Variants in CPED1 observed in about 807,000 individuals in gnomAD.
The protein encoded by CPED1 is cadherin-like and PC-esterase domain-containing protein 1.
Under a neutral mutation model 128.2 loss-of-function variants are expected in CPED1, and 114 were observed. The observed-to-expected ratio is 0.89, with a 90% CI of 0.76 to 1.04. CPED1 has a LOEUF of 1.04. Among genes scored for constraint, CPED1 ranks in the 50% least tolerant of loss-of-function variants. The pLI, the probability that CPED1 is intolerant of heterozygous loss-of-function variation, is 0.00. For synonymous variants in CPED1, 462 were observed against 426.7 expected, an observed-to-expected ratio of 1.08 and a Z score of -1.02; for missense variants, 1,211 against 1,207.1, an observed-to-expected ratio of 1.00 and a Z score of -0.05.
At chr7:121,201,536 GAAGA>G (rs1797399201) in intron 16 of CPED1, among the ~76,000 whole-genome samples, 1 of 150,348 alleles carries the variant, frequency 6.7e-6, no homozygotes, top group South Asian at 2.1e-4. Context: ...AGGAAGGAAG[GAAGA>G]AAGGAAGGAA....
At chr7:121,035,719 GC>G in intron 3 of CPED1, among the ~76,000 whole-genome samples, 1 of 152,014 alleles carries the variant, frequency 6.6e-6, no homozygotes, top group African/African-American at 2.4e-5. Context: ...ATGAGTCCAA[GC>G]TACTCAGGAG....
intron 12 of CPED1, among the ~76,000 whole-genome samples, chr7:121,132,633 T>G (rs543861618): frequency 1.3e-5 from 2 of 152,158 alleles, no homozygotes; most frequent in African/African-American, 4.8e-5. Flanking sequence ...ATGTGCTAAT[T>G]TTACCTTCCT....
At chr7:121,092,561 C>A (rs1480588074) in intron 5 of CPED1, among the ~76,000 whole-genome samples, 3 of 152,126 alleles carry the variant, frequency 2.0e-5, no homozygotes, top group African/African-American at 7.2e-5. Flanking sequence ...TTCAAAATAA[C>A]CCTTCTCTTC....
chr7:121,183,919 T>A (rs1796948840), intron 16 of CPED1, among the ~76,000 whole-genome samples: 1 of 152,024 alleles, frequency 6.6e-6, no homozygotes, highest in South Asian at 2.1e-4. Flanking sequence ...GTGGGCAGAT[T>A]ACTTCAGGCC....
intron 16 of CPED1, among the ~76,000 whole-genome samples, chr7:121,222,425 T>C (rs541454946): frequency 1.8e-4 from 28 of 152,230 alleles, no homozygotes; most frequent in African/African-American, 6.7e-4. Context: ...CTTAGGATTG[T>C]CATGGCATTG....
At chr7:121,112,539 C>T (rs754688352) in intron 7 of CPED1, among the ~76,000 whole-genome samples, 10 of 152,256 alleles carry the variant, frequency 6.6e-5, no homozygotes, top group East Asian at 5.8e-4. Flanking sequence ...TAAGAGGGAA[C>T]GTGGCCATGT....
At chr7:121,254,206 C>A (rs1798752848) in intron 18 of CPED1, among the ~76,000 whole-genome samples, 1 of 151,944 alleles carries the variant, frequency 6.6e-6, no homozygotes, top group Non-Finnish European at 1.5e-5. Flanking sequence ...TCATACAAAG[C>A]ACATTCTCAC....
chr7:121,285,721 G>A (rs1792554738), intron 22 of CPED1, among the ~76,000 whole-genome samples: 1 of 152,148 alleles, frequency 6.6e-6, no homozygotes. Context: ...GTCACTGTCA[G>A]CATTTTGGTC....
intron 16 of CPED1, among the ~76,000 whole-genome samples, chr7:121,233,379 C>T (rs1218639727): frequency 6.6e-6 from 1 of 151,946 alleles, no homozygotes; most frequent in Admixed American, 6.6e-5. Context: ...AGAGATGACA[C>T]TTAAGACCAA....
intron 16 of CPED1, among the ~76,000 whole-genome samples, chr7:121,200,741 A>G: frequency 6.6e-6 from 1 of 152,172 alleles, no homozygotes; most frequent in Non-Finnish European, 1.5e-5. Context: ...TGAATGAAAC[A>G]GAAAGTTTGA....
intron 16 of CPED1, among the ~76,000 whole-genome samples, chr7:121,178,248 A>G (rs2116489974): frequency 6.6e-6 from 1 of 152,224 alleles, no homozygotes; most frequent in East Asian, 1.9e-4. Context: ...TGAATGAAAA[A>G]GCATCTAAAA....
intron 18 of CPED1, among the ~76,000 whole-genome samples, chr7:121,257,280 G>A (rs1791907612): frequency 6.6e-6 from 1 of 152,030 alleles, no homozygotes; most frequent in Non-Finnish European, 1.5e-5. Flanking sequence ...ACCCTTCAAA[G>A]CATGTGGCCC....
At chr7:121,070,444 T>C (rs972118276) in intron 5 of CPED1, among the ~76,000 whole-genome samples, 4 of 152,102 alleles carry the variant, frequency 2.6e-5, no homozygotes, top group African/African-American at 7.2e-5. Context: ...ATATTCCTTA[T>C]GCAAAACATT....
intron 21 of CPED1, among the ~76,000 whole-genome samples, chr7:121,268,220 A>G (rs566891069): frequency 1.6e-4 from 24 of 152,108 alleles, no homozygotes; most frequent in African/African-American, 5.8e-4. Flanking sequence ...TTTGAAGTCT[A>G]CAGGTCGAGA....
At chr7:121,078,428 T>A (rs144350634) in intron 5 of CPED1, among the ~76,000 whole-genome samples, 1 of 143,164 alleles carries the variant, frequency 7.0e-6, no homozygotes, top group East Asian at 2.0e-4. Context: ...CTAGGAGGAC[T>A]GCTTGTGGCC....
At chr7:121,076,002 A>C (rs1025056468) in intron 5 of CPED1, among the ~76,000 whole-genome samples, 3 of 152,150 alleles carry the variant, frequency 2.0e-5, no homozygotes, top group Admixed American at 6.6e-5. Context: ...TGTCTCCCCC[A>C]CAAGGACTGA....
intron 22 of CPED1, among the ~76,000 whole-genome samples, chr7:121,288,352 A>G (rs911179018): frequency 2.0e-5 from 3 of 152,224 alleles, no homozygotes; most frequent in Admixed American, 6.5e-5. Context: ...TGGCCTGGGC[A>G]TGAAGGGTTC....
intron 12 of CPED1, 52 bp downstream of exon 12, chr7:121,130,346 A>G (rs1483325868): frequency 1.4e-6 from 2 of 1,471,212 alleles, no homozygotes; most frequent in Non-Finnish European, 1.8e-6. Flanking sequence ...TCTAGTTTAC[A>G]GATTGATTTC....
intron 16 of CPED1, among the ~76,000 whole-genome samples, chr7:121,153,789 C>T (rs1476028433): frequency 4.2e-5 from 5 of 119,874 alleles, no homozygotes; most frequent in Admixed American, 1.0e-4. Flanking sequence ...TAGTTATAAG[C>T]GGATTTTAAA....
Sources: gnomAD v4.1 joint callset for allele counts (sites outside exome capture counted in the v4.1 genomes callset) on GRCh38, gnomAD v4.1.1 for gene constraint, MANE v1.5 for transcripts, NCBI Gene and HGNC (gene_info 2026-07-23, HGNC 2026-07-21) for gene names.